The following GRIP1 variants were observed in gnomAD, a reference collection of about 807,000 sequenced individuals.
GRIP1 encodes the protein glutamate receptor interacting protein 1.
Under a neutral mutation model 129.9 loss-of-function variants are expected in GRIP1, and 45 were observed. The observed-to-expected ratio is 0.35, with a 90% CI of 0.27 to 0.44. The LOEUF (loss-of-function observed/expected upper bound fraction) is 0.44, where lower values mean the gene tolerates loss of function less well. GRIP1 is among the 20% of genes least tolerant of loss of function. GRIP1 has a pLI of 1.00. For synonymous variants in GRIP1, 530 were observed against 520.8 expected (o/e 1.02, Z -0.24); for missense variants, 1,196 against 1,396.8 (o/e 0.86, Z 2.29).
At chr12:66,588,784 CA>C (rs1414116746) in intron 2 of GRIP1, among the ~76,000 whole-genome samples, 1 of 151,808 alleles carries the variant, frequency 6.6e-6, no homozygotes, top group Non-Finnish European at 1.5e-5. Flanking sequence ...GCCTGGCCAA[CA>C]TAATGAAACC....
chr12:66,772,901 A>C (rs2037863447), intron 1 of GRIP1, among the ~76,000 whole-genome samples: 2 of 152,170 alleles, frequency 1.3e-5, no homozygotes, highest in Non-Finnish European at 1.5e-5. Flanking sequence ...CATGCCTCAG[A>C]CCATCAAGAG....
intron 1 of GRIP1, among the ~76,000 whole-genome samples, chr12:66,935,953 A>T (rs533750193): frequency 2.0e-5 from 3 of 152,332 alleles, no homozygotes; most frequent in African/African-American, 7.2e-5. Context: ...CAAGGATTCA[A>T]ATATAGAAGT....
chr12:67,048,760 A>T (rs1425826049), intron 1 of GRIP1, among the ~76,000 whole-genome samples: 1 of 152,124 alleles, frequency 6.6e-6, no homozygotes, highest in Non-Finnish European at 1.5e-5. Flanking sequence ...AGTCTCACGA[A>T]TACCTAACAG....
chr12:66,774,608 T>C (rs969381325), intron 1 of GRIP1, among the ~76,000 whole-genome samples: 6 of 152,052 alleles, frequency 3.9e-5, no homozygotes, highest in African/African-American at 1.4e-4. Flanking sequence ...ACTTTGGAGA[T>C]TTCTTTTTAC....
rs71096099 is a variant in GRIP1, at chr12:66,401,609, T to TACAC, written c.1984+4670_1984+4673dup. 3.4e-3 allele frequency among the ~76,000 whole-genome samples: 375 copies of TACAC among 110,012 alleles called. 13 individuals are homozygous for TACAC. The highest frequency in any genetic ancestry group is 0.012 in the African/African-American group (332 of 26,742). 72.2% of individuals were successfully genotyped at this position (110,012 alleles called of 152,430 possible). The stretch of plus-strand genomic sequence containing the variant: ...AAAAAAATATGTGTGTATATATATA[T>TACAC]ACACACACACACACACACACACACA... On this transcript the variant is annotated intron_variant, in intron 16 of 24. Transcript: ENST00000359742.
rs146295921 is a variant in GRIP1 at position 66,558,135 on chromosome 12, C to T, written c.137-16185G>A. ...AAAGATGAAAATGAAGACATTACAG[C>T]TGATACTACAGAAACTCAAAGGACC... On this transcript the variant is annotated intron_variant, in intron 2 of 24. Transcript: ENST00000359742. 3.6e-3 allele frequency among the ~76,000 whole-genome samples: 551 copies of T among 152,202 alleles called. 4 individuals are homozygous for T. The highest frequency in any genetic ancestry group is 0.013 in the African/African-American group (528 of 41,532).
intron 9 of GRIP1, among the ~76,000 whole-genome samples, chr12:66,457,767 C>T (rs1388302195): frequency 2.6e-5 from 4 of 152,148 alleles, no homozygotes; most frequent in Admixed American, 6.5e-5. Flanking sequence ...AGCACTAGCA[C>T]GGACAGATCA....
At chr12:66,451,383 G>GGTTTTTTTTTTTTTTTTTTTTT (rs1565751885) in intron 11 of GRIP1, among the ~76,000 whole-genome samples, 1 of 42,650 alleles carries the variant, frequency 2.3e-5, no homozygotes, top group African/African-American at 1.1e-4. Flanking sequence ...ATTATAATCT[G>GGTTTTTTTTTTTTTTTTTTTTT]TTTTTTTTTT....
chr12:67,068,030 C>T (rs1380829908), intron 1 of GRIP1, among the ~76,000 whole-genome samples: 1 of 152,156 alleles, frequency 6.6e-6, no homozygotes, highest in Non-Finnish European at 1.5e-5. Context: ...CCTGGTGGAC[C>T]TTGCCAGCCA....
Position 66,929,069 on chromosome 12 carries a change from T to C in GRIP1, c.58+139981A>G, listed in dbSNP as rs564624837. 1.5e-3 allele frequency among the ~76,000 whole-genome samples: 232 copies of C among 152,374 alleles called. 1 individual carries two copies. The highest frequency in any genetic ancestry group is 5.5e-3 in the African/African-American group (228 of 41,592). On this transcript the variant is annotated intron_variant, in intron 1 of 1. Coordinates refer to the GRIP1 transcript ENST00000643019. ...CTGAGAACAGAACCAAGCCTCATTC[T>C]AACTCCCAAGAATAGCAGTCTCTCC...
intron 19 of GRIP1, among the ~76,000 whole-genome samples, chr12:66,380,218 G>A (rs1036707787): frequency 7.2e-5 from 11 of 152,164 alleles, no homozygotes; most frequent in African/African-American, 2.6e-4. Flanking sequence ...CCCATTTCAA[G>A]TATTTGAAAG....
intron 1 of GRIP1, among the ~76,000 whole-genome samples, chr12:66,911,854 G>C (rs1484179123): frequency 3.3e-5 from 5 of 152,182 alleles, no homozygotes; most frequent in Non-Finnish European, 7.3e-5. Flanking sequence ...CAACACTGGA[G>C]TGAACACAGT....
At chr12:66,596,799 C>T in intron 2 of GRIP1, 48 bp downstream of exon 2, 1 of 1,020,864 alleles carries the variant, frequency 9.8e-7, no homozygotes. Flanking sequence ...CACCAAATAA[C>T]AGGATTCAAA....
chr12:67,003,946 A>C (rs2042589493), intron 1 of GRIP1, among the ~76,000 whole-genome samples: 1 of 152,062 alleles, frequency 6.6e-6, no homozygotes, highest in Non-Finnish European at 1.5e-5. Flanking sequence ...GTGCCCTTGC[A>C]ACTTCTTTCA....
chr12:67,032,312 T>A (rs1434527710), intron 1 of GRIP1, among the ~76,000 whole-genome samples: 1 of 152,206 alleles, frequency 6.6e-6, no homozygotes, highest in East Asian at 1.9e-4. Context: ...CCAGAAAGGA[T>A]GTGTAGTCAC....
At chr12:66,608,646 G>A (rs1216115904) in intron 1 of GRIP1, among the ~76,000 whole-genome samples, 2 of 152,090 alleles carry the variant, frequency 1.3e-5, no homozygotes. Context: ...CATAGTTTTT[G>A]TATGGACAAC....
chr12:66,509,827 G>A (rs147261943), intron 7 of GRIP1, among the ~76,000 whole-genome samples: 7 of 152,064 alleles, frequency 4.6e-5, no homozygotes, highest in Admixed American at 1.3e-4. Context: ...GCATCAGGAA[G>A]AATAGCTACT....
At chr12:66,928,975 G>A (rs2041342350) in intron 1 of GRIP1, among the ~76,000 whole-genome samples, 1 of 152,148 alleles carries the variant, frequency 6.6e-6, no homozygotes, top group African/African-American at 2.4e-5. Flanking sequence ...TCATGTCATG[G>A]ACCAGAGAAC....
chr12:66,904,911 G>A (rs1308887466), intron 1 of GRIP1, among the ~76,000 whole-genome samples: 1 of 150,976 alleles, frequency 6.6e-6, no homozygotes, highest in East Asian at 1.9e-4. Context: ...ACAAAAAAAA[G>A]TAAGCTTTGT....
Sources: allele counts gnomAD v4.1 joint callset (sites outside exome capture counted in the v4.1 genomes callset), GRCh38; gene constraint gnomAD v4.1.1; transcripts MANE v1.5; gene names NCBI Gene and HGNC (gene_info 2026-07-23, HGNC 2026-07-21).